MEIS2: variants seen among roughly 807,000 people sequenced by gnomAD.
MEIS2 encodes homeobox protein Meis2.
In MEIS2, 9 loss-of-function variants were observed where a neutral mutation model predicts 58.6. The ratio of observed to expected loss-of-function variants is 0.15; its 90% CI spans 0.09 to 0.27. The LOEUF (loss-of-function observed/expected upper bound fraction) is 0.27. Among genes scored for constraint, MEIS2 ranks in the 10% least tolerant of loss-of-function variants. MEIS2 has a pLI of 1.00. For missense variants in MEIS2, 427 were observed against 635.0 expected (o/e 0.67, Z 3.52); for synonymous variants, 221 against 228.4 (o/e 0.97, Z 0.29).
chr15:36,988,180 T>A (rs1011067787), intron 8 of MEIS2, among the ~76,000 whole-genome samples: 14 of 152,304 alleles, frequency 9.2e-5, no homozygotes, highest in African/African-American at 3.4e-4. Context: ...ATGATGGATA[T>A]AACAATTTGC....
At chr15:37,047,551 G>A (rs911727844) in intron 7 of MEIS2, among the ~76,000 whole-genome samples, 1 of 152,154 alleles carries the variant, frequency 6.6e-6, no homozygotes, top group African/African-American at 2.4e-5. Context: ...TTATAATTAG[G>A]AGCCTTGAAG....
chr15:36,909,658 A>G (rs1023771427), intron 9 of MEIS2, among the ~76,000 whole-genome samples: 2 of 152,188 alleles, frequency 1.3e-5, no homozygotes, highest in Non-Finnish European at 2.9e-5. Flanking sequence ...GTGCGAATCT[A>G]TCTGGGCATT....
At chr15:36,963,217 A>G (rs1284911092) in intron 8 of MEIS2, among the ~76,000 whole-genome samples, 1 of 152,098 alleles carries the variant, frequency 6.6e-6, no homozygotes. Flanking sequence ...TCTACTAAAA[A>G]TACAAAAAAA....
intron 7 of MEIS2, among the ~76,000 whole-genome samples, chr15:37,060,882 A>G (rs1273229296): frequency 6.6e-6 from 1 of 152,224 alleles, no homozygotes; most frequent in Non-Finnish European, 1.5e-5. Context: ...GAATCTGGGA[A>G]GGAAAACAGG....
Position 37,034,256 on chromosome 15 carries a change from T to C in MEIS2, c.900+2558A>G, listed in dbSNP as rs2062053857. On this transcript the variant is annotated intron_variant, in intron 8 of 11. Coordinates refer to ENST00000561208, the MANE Select transcript of MEIS2 (RefSeq NM_170675.5). ...CCATCCTGCAACGTGTCCCTCTCAT[T>C]TGAAAAATGGGGAAACAGAAAGTCC... Among the ~76,000 whole-genome samples the C allele has an allele frequency of 2.6e-5, 4 of 151,994 alleles. No individual in the cohort carries two copies. In the South Asian group the frequency reaches 8.3e-4, roughly 32 times the overall value.
intron 6 of MEIS2, among the ~76,000 whole-genome samples, chr15:37,091,584 T>C: frequency 6.6e-6 from 1 of 152,184 alleles, no homozygotes. Flanking sequence ...AAGATGATGA[T>C]TGATAAATTA....
chr15:37,075,752 G>A (rs552951419), intron 7 of MEIS2, among the ~76,000 whole-genome samples: 4 of 152,020 alleles, frequency 2.6e-5, no homozygotes, highest in South Asian at 2.1e-4. Flanking sequence ...AAAGTGCCAT[G>A]GGAGTGCAGA....
intron 9 of MEIS2, among the ~76,000 whole-genome samples, chr15:36,935,179 CTTTTTTCT>C (rs2058117728): frequency 8.5e-6 from 1 of 118,120 alleles, no homozygotes; most frequent in African/African-American, 2.8e-5. Context: ...TTGAGAAATT[CTTTTTTCT>C]TTTTTTTTTT....
At chr15:36,930,434 G>T (rs560338074) in intron 9 of MEIS2, among the ~76,000 whole-genome samples, 1 of 152,158 alleles carries the variant, frequency 6.6e-6, no homozygotes, top group African/African-American at 2.4e-5. Flanking sequence ...ACAACCAAAG[G>T]CTCTTCCTTT....
intron 3 of MEIS2, 132 bp downstream of exon 3, chr15:37,096,157 G>T (rs1727509188): frequency 2.1e-6 from 2 of 961,230 alleles, no homozygotes; most frequent in African/African-American, 3.3e-5. Flanking sequence ...TGGGGAGGAG[G>T]CGTAGAGAGC....
intron 9 of MEIS2, among the ~76,000 whole-genome samples, chr15:36,924,185 T>C (rs376903549): frequency 2.4e-4 from 37 of 152,166 alleles, no homozygotes; most frequent in African/African-American, 8.7e-4. Context: ...GGCGGGAATA[T>C]AAAAGTGAAT....
chr15:37,087,654 G>A (rs1596110694), intron 6 of MEIS2, among the ~76,000 whole-genome samples: 1 of 152,234 alleles, frequency 6.6e-6, no homozygotes, highest in Non-Finnish European at 1.5e-5. Context: ...CTAGAAAAGA[G>A]CATAGAGAGG....
intron 8 of MEIS2, among the ~76,000 whole-genome samples, chr15:37,025,124 CTT>C (rs1394594480): frequency 6.6e-6 from 1 of 152,194 alleles, no homozygotes; most frequent in African/African-American, 2.4e-5. Context: ...CAATACTTGT[CTT>C]TGAAGAGTGT....
intron 8 of MEIS2, among the ~76,000 whole-genome samples, chr15:36,984,886 A>G (rs1294540176): frequency 6.6e-6 from 1 of 152,096 alleles, no homozygotes; most frequent in African/African-American, 2.4e-5. Flanking sequence ...AAAATTGCTC[A>G]TAGCAGTCTC....
intron 8 of MEIS2, among the ~76,000 whole-genome samples, chr15:37,003,445 G>T (rs2060808935): frequency 6.6e-6 from 1 of 151,922 alleles, no homozygotes; most frequent in African/African-American, 2.4e-5. Context: ...AAATTTAGAA[G>T]AGAGGGAAGG....
chr15:36,913,218 G>C (rs1478867015), intron 9 of MEIS2, among the ~76,000 whole-genome samples: 1 of 152,190 alleles, frequency 6.6e-6, no homozygotes, highest in Non-Finnish European at 1.5e-5. Flanking sequence ...TAGAGTGGAT[G>C]CTCAATAAAT....
At chr15:37,065,834 A>C (rs752665764) in intron 7 of MEIS2, among the ~76,000 whole-genome samples, 2 of 152,190 alleles carry the variant, frequency 1.3e-5, no homozygotes, top group African/African-American at 2.4e-5. Context: ...ATGTGTTACT[A>C]ATGGAATTGG....
intron 8 of MEIS2, among the ~76,000 whole-genome samples, chr15:37,027,358 C>T (rs932790184): frequency 4.6e-5 from 7 of 152,190 alleles, no homozygotes; most frequent in Non-Finnish European, 1.0e-4. Context: ...GAGGGACAGT[C>T]AGTATTCTCA....
chr15:36,935,702 G>C (rs770833407), intron 9 of MEIS2, among the ~76,000 whole-genome samples: 10 of 151,954 alleles, frequency 6.6e-5, no homozygotes, highest in Non-Finnish European at 1.3e-4. Flanking sequence ...TGGTGTATTA[G>C]AAATGACTCT....
Sources: gnomAD v4.1 joint callset for allele counts (sites outside exome capture counted in the v4.1 genomes callset) on GRCh38, gnomAD v4.1.1 for gene constraint, MANE v1.5 for transcripts, NCBI Gene and HGNC (gene_info 2026-07-23, HGNC 2026-07-21) for gene names.